The following GPC6 variants were observed in gnomAD, a reference collection of about 807,000 sequenced individuals.
GPC6 encodes glypican-6.
A neutral mutation model predicts 55.2 loss-of-function variants in GPC6; 14 were observed. The ratio of observed to expected loss-of-function variants is 0.25; its 90% CI spans 0.17 to 0.40. GPC6 has a LOEUF of 0.40. Among genes scored for constraint, GPC6 ranks in the 10% least tolerant of loss-of-function variants. The pLI is 1.00. For synonymous variants in GPC6, 278 were observed against 259.6 expected (o/e 1.07, Z -0.68); for missense variants, 641 against 708.5 (o/e 0.90, Z 1.08).
chr13:93,420,911 A>C (rs35703633), intron 1 of GPC6, among the ~76,000 whole-genome samples: 9,974 of 152,062 alleles, frequency 0.066, 450 homozygotes, highest in Non-Finnish European at 0.092. Flanking sequence ...ATGGAATGGG[A>C]GTATCTAATT....
chr13:93,804,840 G>A (rs1401041238), intron 2 of GPC6, among the ~76,000 whole-genome samples: 1 of 152,090 alleles, frequency 6.6e-6, no homozygotes, highest in Non-Finnish European at 1.5e-5. Flanking sequence ...CATGACGTTG[G>A]CACATCACTT....
chr13:93,323,709 T>C (rs1454738042), intron 1 of GPC6, among the ~76,000 whole-genome samples: 2 of 152,160 alleles, frequency 1.3e-5, no homozygotes, highest in Admixed American at 6.5e-5. Context: ...ACCCAAGGAC[T>C]TAGAGTTTGG....
intron 2 of GPC6, among the ~76,000 whole-genome samples, chr13:93,622,600 A>G (rs1879006395): frequency 1.3e-5 from 2 of 152,070 alleles, no homozygotes; most frequent in African/African-American, 4.8e-5. Context: ...GACTAAGGCT[A>G]TTTATTTATT....
chr13:93,248,442 T>G (rs1474503248), intron 1 of GPC6, among the ~76,000 whole-genome samples: 1 of 151,964 alleles, frequency 6.6e-6, no homozygotes, highest in Non-Finnish European at 1.5e-5. Flanking sequence ...AAAGTGTTTT[T>G]TTTTTTTTTC....
At chr13:93,626,004 A>ATT (rs111733814) in intron 2 of GPC6, among the ~76,000 whole-genome samples, 1 of 151,660 alleles carries the variant, frequency 6.6e-6, no homozygotes, top group African/African-American at 2.4e-5. Flanking sequence ...AGAAAGCATG[A>ATT]TTTTTTTTTG....
At chr13:94,231,857 T>G (rs553363228) in intron 4 of GPC6, among the ~76,000 whole-genome samples, 1 of 152,274 alleles carries the variant, frequency 6.6e-6, no homozygotes, top group East Asian at 1.9e-4. Context: ...CTTGTGACTA[T>G]GTGAATAACT....
chr13:93,890,880 A>T (rs570961210), intron 3 of GPC6, among the ~76,000 whole-genome samples: 2 of 152,040 alleles, frequency 1.3e-5, no homozygotes, highest in African/African-American at 4.8e-5. Flanking sequence ...ATAGTTTATT[A>T]TATAACCAGA....
chr13:93,976,393 G>A (rs563911069), intron 3 of GPC6, among the ~76,000 whole-genome samples: 52 of 151,700 alleles, frequency 3.4e-4, no homozygotes, highest in African/African-American at 1.2e-3. Flanking sequence ...AGGAGGTTTT[G>A]AAAAAGAAAT....
intron 3 of GPC6, among the ~76,000 whole-genome samples, chr13:93,978,754 A>T (rs1880639005): frequency 6.6e-6 from 1 of 152,078 alleles, no homozygotes; most frequent in Non-Finnish European, 1.5e-5. Flanking sequence ...ATAATTCATA[A>T]TCTCTCCTAC....
chr13:93,819,642 C>G (rs1395702780), intron 2 of GPC6, among the ~76,000 whole-genome samples: 1 of 152,138 alleles, frequency 6.6e-6, no homozygotes, highest in Non-Finnish European at 1.5e-5. Context: ...GAAAGCATCT[C>G]AGCTTTTAAT....
chr13:93,417,934 C>T (rs1008912230), intron 1 of GPC6, among the ~76,000 whole-genome samples: 6 of 151,966 alleles, frequency 3.9e-5, no homozygotes, highest in African/African-American at 1.2e-4. Context: ...CATTTGTCAA[C>T]GATTCACTTC....
intron 4 of GPC6, among the ~76,000 whole-genome samples, chr13:94,153,565 G>A (rs565373000): frequency 1.3e-5 from 2 of 152,242 alleles, no homozygotes; most frequent in African/African-American, 4.8e-5. Context: ...AGTGGGTATG[G>A]CATCCACCCA....
At chr13:93,705,827 T>G (rs1382763191) in intron 2 of GPC6, among the ~76,000 whole-genome samples, 1 of 148,440 alleles carries the variant, frequency 6.7e-6, no homozygotes, top group Non-Finnish European at 1.5e-5. Context: ...TTTTTTTTTT[T>G]GTATACTTCC....
intron 4 of GPC6, among the ~76,000 whole-genome samples, chr13:94,031,674 G>A (rs1033011859): frequency 6.6e-6 from 1 of 152,194 alleles, no homozygotes; most frequent in Admixed American, 6.5e-5. Context: ...ATGCAAAATG[G>A]TTTTCTTGAA....
At chr13:94,247,978 AGGTACAT>A (rs1891246458) in intron 4 of GPC6, among the ~76,000 whole-genome samples, 1 of 152,056 alleles carries the variant, frequency 6.6e-6, no homozygotes, top group Non-Finnish European at 1.5e-5. Context: ...CTGAGGCTAC[AGGTACAT>A]GCCACTGTGC....
intron 1 of GPC6, among the ~76,000 whole-genome samples, chr13:93,482,627 A>C (rs994841305): frequency 1.6e-4 from 25 of 152,172 alleles, no homozygotes; most frequent in Non-Finnish European, 5.9e-5. Context: ...ATGGGTAAGA[A>C]ATCTCTTGCT....
At chr13:93,293,970 T>A (rs1261373817) in intron 1 of GPC6, among the ~76,000 whole-genome samples, 1 of 151,250 alleles carries the variant, frequency 6.6e-6, no homozygotes, top group Non-Finnish European at 1.5e-5. Context: ...TCCCTTTTCA[T>A]GTCTAGCTTA....
At chr13:93,928,016 A>T (rs917456287) in intron 3 of GPC6, among the ~76,000 whole-genome samples, 1 of 151,872 alleles carries the variant, frequency 6.6e-6, no homozygotes, top group African/African-American at 2.4e-5. Context: ...ATAAAATAGT[A>T]TGGGCAATTA....
At chr13:94,368,246 G>C (rs1422618691) in intron 6 of GPC6, among the ~76,000 whole-genome samples, 1 of 151,620 alleles carries the variant, frequency 6.6e-6, no homozygotes, top group Non-Finnish European at 1.5e-5. Context: ...ACATATGATA[G>C]AGCCCAAAAT....
Sources: allele counts gnomAD v4.1 joint callset (sites outside exome capture counted in the v4.1 genomes callset), GRCh38; gene constraint gnomAD v4.1.1; transcripts MANE v1.5; gene names NCBI Gene and HGNC (gene_info 2026-07-23, HGNC 2026-07-21).